FHL5: variants seen among roughly 807,000 people sequenced by gnomAD.
The protein encoded by FHL5 is four and a half LIM domains 5.
A neutral mutation model predicts 32.0 loss-of-function variants in FHL5; 33 were observed. That is an observed-to-expected ratio of 1.03 (90% CI 0.78 to 1.38). The LOEUF (loss-of-function observed/expected upper bound fraction) is 1.38, where lower values mean the gene tolerates loss of function less well. Ranked by LOEUF, FHL5 falls within the 40% of genes most tolerant of loss-of-function variation. The pLI is 0.00. For synonymous variants in FHL5, 114 were observed against 113.6 expected (o/e 1.00, Z -0.02); for missense variants, 336 against 343.9 (o/e 0.98, Z 0.18).
At chr6:96,574,836 T>C (rs1466947003) in intron 1 of FHL5, among the ~76,000 whole-genome samples, 1 of 152,196 alleles carries the variant, frequency 6.6e-6, no homozygotes, top group African/African-American at 2.4e-5. Flanking sequence ...TCACTTATAA[T>C]ATTCTTCACT....
At chr6:96,580,186 C>T (rs956255426) in intron 1 of FHL5, among the ~76,000 whole-genome samples, 13 of 152,106 alleles carry the variant, frequency 8.5e-5, no homozygotes, top group Non-Finnish European at 1.6e-4. Flanking sequence ...AGTTCTACCT[C>T]GTGCTGCAGC....
At position 96,616,208 on chromosome 6, in the gene FHL5, G is replaced by C. The variant is rs1234775443; in HGVS notation, c.*436G>C. 1 of 152,308 alleles carries C rather than the reference G, an allele frequency of 6.6e-6. No homozygotes were observed. Among genetic ancestry groups the C allele is most frequent in the Non-Finnish European group, 1.5e-5 (1 of 68,214 alleles). The allele number at this position is 152,308 out of a possible 1,614,324, so 9.4% of individuals were successfully genotyped here. A position where few individuals can be genotyped will look rare whatever the true frequency, so the allele number is the denominator to read the frequency against. On this transcript the variant is annotated 3_prime_UTR_variant, in exon 6 of 6. Coordinates refer to ENST00000450218, the MANE Select transcript of FHL5 (RefSeq NM_001322466.2). Reference sequence around the variant, plus strand: ...GTAATGTGATAAATTAGCTATGAATGGTAAAAGAACAAAACTGATCAGAGT... The same window carrying C: ...GTAATGTGATAAATTAGCTATGAATCGTAAAAGAACAAAACTGATCAGAGT...
chr6:96,565,064 G>A (rs1770327246), intron 1 of FHL5, among the ~76,000 whole-genome samples: 1 of 151,748 alleles, frequency 6.6e-6, no homozygotes, highest in Admixed American at 6.6e-5. Flanking sequence ...AGACCAGCTG[G>A]GGCAATATAG....
chr6:96,584,947 G>A (rs748574502), intron 1 of FHL5, among the ~76,000 whole-genome samples: 38 of 152,044 alleles, frequency 2.5e-4, no homozygotes, highest in Non-Finnish European at 4.7e-4. Flanking sequence ...GAGACTAGGT[G>A]TATTGTCTAA....
intron 4 of FHL5, among the ~76,000 whole-genome samples, chr6:96,608,398 C>G (rs1196147599): frequency 6.6e-6 from 1 of 152,090 alleles, no homozygotes; most frequent in Non-Finnish European, 1.5e-5. Flanking sequence ...TTTAAAACCA[C>G]AAGTCCTTTT....
chr6:96,612,924 C>T (rs192226442), intron 5 of FHL5, among the ~76,000 whole-genome samples: 51 of 152,148 alleles, frequency 3.4e-4, no homozygotes, highest in East Asian at 3.9e-4. Flanking sequence ...CACACGTCTT[C>T]GGAAAATTGG....
Position 96,615,708 on chromosome 6 carries a change from T to C in FHL5, c.791T>C (p.Phe264Ser). ...KCSVSLVGKG[F>S]LTQNKEIFCQ... ...TCTGTCTCCTTGGTGGGTAAAGGCT[T>C]CCTGACCCAGAACAAGGAAATCTTC... Residue 264 changes from phenylalanine (F) to serine (S), a missense_variant, in exon 6 of 6, where the codon TTC (phenylalanine) becomes TCC (serine). Phe to Ser is a radical substitution (Grantham distance 155). Transcript: ENST00000450218. The C allele has an allele frequency of 6.2e-7, 1 of 1,612,834 alleles. No homozygotes were observed. The highest frequency in any genetic ancestry group is 8.5e-7 in the Non-Finnish European group (1 of 1,179,472).
intron 1 of FHL5, among the ~76,000 whole-genome samples, chr6:96,570,259 G>T (rs954405808): frequency 2.0e-5 from 3 of 152,006 alleles, no homozygotes; most frequent in African/African-American, 7.2e-5. Flanking sequence ...AGTATTCTTA[G>T]CTAGCAATTT....
chr6:96,607,044 T>C (rs1427824969), intron 4 of FHL5, among the ~76,000 whole-genome samples: 1 of 152,106 alleles, frequency 6.6e-6, no homozygotes. Flanking sequence ...AAAAACATTT[T>C]CTAAGAGAAA....
intron 1 of FHL5, among the ~76,000 whole-genome samples, chr6:96,597,414 G>T (rs972125442): frequency 2.0e-5 from 3 of 151,970 alleles, no homozygotes; most frequent in Admixed American, 6.6e-5. Context: ...TGTTGATTAG[G>T]CCACATGTTG....
intron 2 of FHL5, 90 bp from the exon 3 acceptor site, chr6:96,604,660 T>G: frequency 2.1e-6 from 2 of 947,156 alleles, no homozygotes; most frequent in Non-Finnish European, 3.1e-6. Context: ...CCTACTGACA[T>G]GAGAGTCCCA....
At chr6:96,601,074 G>A (rs574368985) in intron 1 of FHL5, among the ~76,000 whole-genome samples, 27 of 152,318 alleles carry the variant, frequency 1.8e-4, no homozygotes, top group African/African-American at 6.0e-4. Flanking sequence ...GGTGGCTCAC[G>A]CCTGTAATCC....
chr6:96,582,786 G>C (rs543854090), intron 1 of FHL5, among the ~76,000 whole-genome samples: 1 of 152,182 alleles, frequency 6.6e-6, no homozygotes, highest in South Asian at 2.1e-4. Context: ...TGAAGTTATG[G>C]CTTAAGTTAT....
chr6:96,581,431 C>T (rs895847041), intron 1 of FHL5, among the ~76,000 whole-genome samples: 4 of 152,190 alleles, frequency 2.6e-5, no homozygotes, highest in African/African-American at 9.7e-5. Flanking sequence ...CACTTCCAGA[C>T]CATGGCAAAA....
intron 1 of FHL5, among the ~76,000 whole-genome samples, chr6:96,596,347 C>G (rs561274567): frequency 6.6e-6 from 1 of 152,202 alleles, no homozygotes; most frequent in African/African-American, 2.4e-5. Flanking sequence ...TTTGAACATG[C>G]AATTTTCTAA....
At position 96,610,567 on chromosome 6, in the gene FHL5, G is replaced by C. The variant is rs755328306; in HGVS notation, c.505-5G>C. The C allele has an allele frequency of 1.2e-6, 2 of 1,610,834 alleles. No individual in the cohort carries two copies. The highest frequency in any genetic ancestry group is 2.7e-5 in the African/African-American group (2 of 74,812). On this transcript the variant is annotated splice_region_variant and splice_polypyrimidine_tract_variant and intron_variant, in intron 4 of 5. Coordinates refer to ENST00000450218, the MANE Select transcript of FHL5 (RefSeq NM_001322466.2). ...GGTCATTGCCTTTTCTGTGGTCTTT[G>C]GCAGGTGATAACTTCAGGTGGGATA... is the stretch of plus-strand genomic sequence containing the variant.
chr6:96,575,460 G>A (rs1009748141), intron 1 of FHL5, among the ~76,000 whole-genome samples: 1 of 152,220 alleles, frequency 6.6e-6, no homozygotes, highest in African/African-American at 2.4e-5. Flanking sequence ...CTTCCCAGAA[G>A]GAGTAGAGAG....
intron 1 of FHL5, among the ~76,000 whole-genome samples, chr6:96,584,291 T>A (rs1305376869): frequency 6.6e-6 from 1 of 151,780 alleles, no homozygotes; most frequent in Non-Finnish European, 1.5e-5. Context: ...AATCATCAGG[T>A]TGGATGGATG....
intron 3 of FHL5, 70 bp from the exon 4 acceptor site, chr6:96,605,832 G>C: frequency 8.2e-7 from 1 of 1,216,532 alleles, no homozygotes; most frequent in Non-Finnish European, 1.1e-6. Flanking sequence ...TAAGTAATTT[G>C]ATCTGTATTT....
Sources: gnomAD v4.1 joint callset for allele counts (sites outside exome capture counted in the v4.1 genomes callset) on GRCh38, gnomAD v4.1.1 for gene constraint, MANE v1.5 for transcripts, NCBI Gene and HGNC (gene_info 2026-07-23, HGNC 2026-07-21) for gene names.